The following ERC2 variants were observed in gnomAD, a reference collection of about 807,000 sequenced individuals.
ERC2 encodes the protein ELKS/RAB6-interacting/CAST family member 2.
ERC2 carries 42 observed loss-of-function variants against 114.8 expected under a neutral mutation model. That is an observed-to-expected ratio of 0.37 (90% confidence interval 0.29 to 0.47). The LOEUF (loss-of-function observed/expected upper bound fraction) is 0.47, where lower values mean the gene tolerates loss of function less well. Among genes scored for constraint, ERC2 ranks in the 20% least tolerant of loss-of-function variants. ERC2 has a pLI of 0.99. For missense variants in ERC2, 939 were observed against 1,150.7 expected, an observed-to-expected ratio of 0.82 and a Z score of 2.66; for synonymous variants, 454 against 425.5, an observed-to-expected ratio of 1.07 and a Z score of -0.82.
At chr3:55,645,891 G>A (rs990163991) in intron 17 of ERC2, among the ~76,000 whole-genome samples, 1 of 152,150 alleles carries the variant, frequency 6.6e-6, no homozygotes, top group Non-Finnish European at 1.5e-5. Flanking sequence ...CCAGCTTGGC[G>A]CAAGGAGAAG....
intron 6 of ERC2, among the ~76,000 whole-genome samples, chr3:56,091,150 G>A (rs1478536678): frequency 6.6e-6 from 1 of 152,106 alleles, no homozygotes; most frequent in Non-Finnish European, 1.5e-5. Context: ...GGGGACAGGT[G>A]AGGAGCTGCT....
intron 13 of ERC2, among the ~76,000 whole-genome samples, chr3:55,924,724 A>G (rs1461543494): frequency 6.6e-6 from 1 of 152,112 alleles, no homozygotes; most frequent in Non-Finnish European, 1.5e-5. Flanking sequence ...CTAAAAGCCA[A>G]GAACTAAGGC....
chr3:56,311,245 CTCTCTCTCTCTATA>C (rs1441322569), intron 2 of ERC2, among the ~76,000 whole-genome samples: 10 of 26,102 alleles, frequency 3.8e-4, no homozygotes, highest in East Asian at 1.6e-3. Context: ...CTCTCTCTCT[CTCTCTCTCTCTATA>C]TATATATATA....
intron 8 of ERC2, among the ~76,000 whole-genome samples, chr3:56,011,965 G>A (rs1441366140): frequency 6.6e-6 from 1 of 152,110 alleles, no homozygotes; most frequent in Non-Finnish European, 1.5e-5. Flanking sequence ...TTCAGCGGAG[G>A]AGGTACCATT....
chr3:55,730,430 A>T (rs2065185568), intron 15 of ERC2, among the ~76,000 whole-genome samples: 1 of 152,256 alleles, frequency 6.6e-6, no homozygotes, highest in Non-Finnish European at 1.5e-5. Context: ...GTTACCATAA[A>T]GCATTTGGCA....
At chr3:55,767,935 G>A (rs1012725097) in intron 14 of ERC2, among the ~76,000 whole-genome samples, 1 of 152,230 alleles carries the variant, frequency 6.6e-6, no homozygotes, top group African/African-American at 2.4e-5. Flanking sequence ...TTGGAGGAGG[G>A]GCCTGGTGGG....
At chr3:55,642,555 G>A (rs961842582) in intron 17 of ERC2, among the ~76,000 whole-genome samples, 4 of 151,956 alleles carry the variant, frequency 2.6e-5, no homozygotes, top group Non-Finnish European at 5.9e-5. Flanking sequence ...GTCTGGTCTC[G>A]AACTCCTGGC....
intron 4 of ERC2, among the ~76,000 whole-genome samples, chr3:56,154,198 T>C (rs1202427096): frequency 6.6e-6 from 1 of 152,024 alleles, no homozygotes; most frequent in Non-Finnish European, 1.5e-5. Context: ...GAGCCCAAGT[T>C]AGACACTCCA....
At chr3:56,053,651 C>T (rs947730731) in intron 7 of ERC2, among the ~76,000 whole-genome samples, 1 of 152,172 alleles carries the variant, frequency 6.6e-6, no homozygotes, top group Non-Finnish European at 1.5e-5. Context: ...AGAACCTCAG[C>T]TTCCTTATCT....
intron 17 of ERC2, among the ~76,000 whole-genome samples, chr3:55,585,018 T>C (rs2057524331): frequency 1.3e-5 from 2 of 152,214 alleles, no homozygotes; most frequent in Non-Finnish European, 2.9e-5. Context: ...CTGATGTATG[T>C]CAATCCATTT....
intron 2 of ERC2, among the ~76,000 whole-genome samples, chr3:56,341,558 T>C (rs183305724): frequency 1.4e-4 from 22 of 151,784 alleles, no homozygotes; most frequent in Non-Finnish European, 2.6e-4. Context: ...GTGAATGGCT[T>C]GAGTCATGAG....
At chr3:55,738,773 T>G (rs2148933323) in intron 14 of ERC2, among the ~76,000 whole-genome samples, 1 of 152,306 alleles carries the variant, frequency 6.6e-6, no homozygotes, top group African/African-American at 2.4e-5. Flanking sequence ...TTTTTTAAAA[T>G]TATTTTACTT....
At chr3:56,241,216 T>A (rs979453170) in intron 3 of ERC2, among the ~76,000 whole-genome samples, 1 of 151,938 alleles carries the variant, frequency 6.6e-6, no homozygotes, top group Non-Finnish European at 1.5e-5. Context: ...AAAAACCCCA[T>A]TAAAGAGTGG....
At chr3:55,701,861 T>C (rs1410830921) in intron 15 of ERC2, among the ~76,000 whole-genome samples, 8 of 152,182 alleles carry the variant, frequency 5.3e-5, no homozygotes, top group Non-Finnish European at 8.8e-5. Context: ...CATGAACTAA[T>C]AAATCTGGAA....
Position 56,368,396 on chromosome 3 carries a change from G to A in ERC2, c.657+65955C>T, listed in dbSNP as rs551324686. On this transcript the variant is annotated intron_variant, in intron 2 of 17. Coordinates refer to ENST00000288221, the MANE Select transcript of ERC2 (RefSeq NM_015576.3). ...AAGGATATAAAATAAAGCCACCCCAGATGTTTTTTAAAATAGACTTGACCA... is the reference window on the plus strand; with the variant it reads ...AAGGATATAAAATAAAGCCACCCCAAATGTTTTTTAAAATAGACTTGACCA... 2.4e-3 allele frequency among the ~76,000 whole-genome samples: 367 copies of A among 152,166 alleles called. 1 individual carries two copies. The highest frequency in any genetic ancestry group is 0.01 in the Middle Eastern group (3 of 294).
intron 6 of ERC2, among the ~76,000 whole-genome samples, chr3:56,121,738 T>C (rs1417143212): frequency 1.3e-5 from 2 of 152,236 alleles, no homozygotes; most frequent in African/African-American, 2.4e-5. Flanking sequence ...AAGGTTATTT[T>C]AGCAAAGCTT....
At chr3:55,555,867 G>A (rs1008106952) in intron 17 of ERC2, among the ~76,000 whole-genome samples, 3 of 152,120 alleles carry the variant, frequency 2.0e-5, no homozygotes, top group African/African-American at 7.2e-5. Flanking sequence ...CTCAGAAAAC[G>A]GGTCACCGAG....
chr3:55,586,369 G>A (rs1339204143), intron 17 of ERC2, among the ~76,000 whole-genome samples: 1 of 152,214 alleles, frequency 6.6e-6, no homozygotes. Flanking sequence ...ATAGTTTAGT[G>A]TAACTTTATA....
At chr3:56,100,636 C>T (rs2078301821) in intron 6 of ERC2, among the ~76,000 whole-genome samples, 2 of 152,198 alleles carry the variant, frequency 1.3e-5, no homozygotes, top group Non-Finnish European at 2.9e-5. Flanking sequence ...TTGCCTTCCT[C>T]ATATGGCAAA....
Sources: allele counts gnomAD v4.1 joint callset (sites outside exome capture counted in the v4.1 genomes callset), GRCh38; gene constraint gnomAD v4.1.1; transcripts MANE v1.5; gene names NCBI Gene and HGNC (gene_info 2026-07-23, HGNC 2026-07-21).